Variants in CAPZA2 observed in about 807,000 individuals in gnomAD.
CAPZA2 encodes the protein F-actin-capping protein subunit alpha-2.
Under a neutral mutation model 44.0 loss-of-function variants are expected in CAPZA2, and 13 were observed. That is an observed-to-expected ratio of 0.30 (90% CI 0.19 to 0.47). The LOEUF is 0.47. Among genes scored for constraint, CAPZA2 ranks in the 20% least tolerant of loss-of-function variants. The pLI is 1.00. For synonymous variants in CAPZA2, 94 were observed against 108.2 expected (o/e 0.87, Z 0.81); for missense variants, 244 against 338.6 (o/e 0.72, Z 2.19).
At chr7:116,882,547 C>T (rs1189537386) in intron 1 of CAPZA2, among the ~76,000 whole-genome samples, 3 of 151,836 alleles carry the variant, frequency 2.0e-5, no homozygotes, top group South Asian at 2.1e-4. Context: ...GACAGTAATA[C>T]GTTTGTATTG....
intron 1 of CAPZA2, chr7:116,875,551 T>A (rs922646169): frequency 1.3e-5 from 2 of 151,736 alleles, no homozygotes; most frequent in Non-Finnish European, 2.9e-5. Flanking sequence ...TTTTTTTTTT[T>A]ATTTTTTGTT....
At position 116,901,099 on chromosome 7, in the gene CAPZA2, C is replaced by G. The variant is rs933763460; in HGVS notation, c.219+2264C>G. Among the ~76,000 whole-genome samples, 3 of 152,134 alleles carry G rather than the reference C, an allele frequency of 2.0e-5. No homozygotes were observed. The East Asian group carries it at 5.8e-4, about 29-fold the overall frequency. ...TCAACTATTATAGAAGACAGTGTGG[C>G]GATTCCTCAGAGATCTAAAAACGGA... On this transcript the variant is annotated intron_variant, in intron 4 of 9. Transcript: ENST00000361183.
intron 1 of CAPZA2, among the ~76,000 whole-genome samples, chr7:116,871,659 A>G (rs1418905502): frequency 2.0e-5 from 3 of 152,200 alleles, no homozygotes; most frequent in African/African-American, 7.2e-5. Flanking sequence ...TTGCCTTGTA[A>G]ACTACTCATC....
At chr7:116,907,741 A>G (rs1172972764) in intron 6 of CAPZA2, among the ~76,000 whole-genome samples, 1 of 152,130 alleles carries the variant, frequency 6.6e-6, no homozygotes, top group East Asian at 1.9e-4. Context: ...TCCGGTTCCC[A>G]AGTAGCTGGA....
At chr7:116,917,246 T>TTTTATTTA (rs1030260811) in intron 9 of CAPZA2, among the ~76,000 whole-genome samples, 1 of 152,054 alleles carries the variant, frequency 6.6e-6, no homozygotes, top group East Asian at 1.9e-4. Context: ...GCTGCTTTTA[T>TTTTATTTA]TTTATTTATT....
chr7:116,881,738 C>CAAA (rs71148338), intron 1 of CAPZA2, among the ~76,000 whole-genome samples: 19 of 47,764 alleles, frequency 4.0e-4, no homozygotes, highest in East Asian at 6.5e-4. Context: ...GACTCTGTCT[C>CAAA]AAAAAAAAAA....
rs1332846517 is a variant in CAPZA2, at chr7:116,921,646, C to G, written c.*3779C>G. On this transcript the variant is annotated 3_prime_UTR_variant, in exon 10 of 10. Transcript: ENST00000361183. ...ACAACGAGCGGAGACTGTGCCACTTCACTGCAGCCTGGGTGACAGGGTGAG... is the reference window on the plus strand; with the variant it reads ...ACAACGAGCGGAGACTGTGCCACTTGACTGCAGCCTGGGTGACAGGGTGAG... 1.3e-5 allele frequency: 2 copies of G among 152,206 alleles called. No individual in the cohort carries two copies. The highest frequency in any genetic ancestry group is 2.9e-5 in the Non-Finnish European group (2 of 68,074). 9.4% of individuals were successfully genotyped at this position (152,206 alleles called of 1,614,324 possible). A position where few individuals can be genotyped will look rare whatever the true frequency, so the allele number is the denominator to read the frequency against.
At chr7:116,911,314 A>G (rs1223404387) in intron 7 of CAPZA2, among the ~76,000 whole-genome samples, 1 of 152,212 alleles carries the variant, frequency 6.6e-6, no homozygotes, top group Non-Finnish European at 1.5e-5. Flanking sequence ...CATCAAAAAG[A>G]TAGTTTTTTA....
At chr7:116,890,618 A>G (rs1428683016) in intron 2 of CAPZA2, among the ~76,000 whole-genome samples, 1 of 121,644 alleles carries the variant, frequency 8.2e-6, no homozygotes, top group Admixed American at 9.2e-5. Context: ...ACACACATAT[A>G]TACAAAAATT....
intron 2 of CAPZA2, among the ~76,000 whole-genome samples, chr7:116,892,729 C>A (rs1796865036): frequency 1.3e-5 from 2 of 151,496 alleles, no homozygotes; most frequent in South Asian, 4.2e-4. Context: ...GTTGGACAAG[C>A]TTGGATTTTA....
At chr7:116,878,771 C>T (rs1404121231) in intron 1 of CAPZA2, among the ~76,000 whole-genome samples, 1 of 152,130 alleles carries the variant, frequency 6.6e-6, no homozygotes, top group Non-Finnish European at 1.5e-5. Context: ...CACTCTTGAA[C>T]AGTGTAGGAC....
intron 1 of CAPZA2, among the ~76,000 whole-genome samples, chr7:116,886,473 G>T (rs1291932726): frequency 6.6e-6 from 1 of 152,056 alleles, no homozygotes; most frequent in Non-Finnish European, 1.5e-5. Context: ...ACATGTACAT[G>T]CACACATAAC....
intron 2 of CAPZA2, among the ~76,000 whole-genome samples, chr7:116,892,583 GGAA>G (rs1297242725): frequency 4.0e-5 from 6 of 151,850 alleles, no homozygotes; most frequent in Admixed American, 2.0e-4. Context: ...TGGACACATT[GGAA>G]GAAGAAGAAT....
chr7:116,911,472 TC>T (rs1023917233), intron 7 of CAPZA2, among the ~76,000 whole-genome samples: 5 of 152,182 alleles, frequency 3.3e-5, no homozygotes, highest in African/African-American at 1.2e-4. Flanking sequence ...GCTATTACTC[TC>T]CCCAACTTCA....
intron 2 of CAPZA2, among the ~76,000 whole-genome samples, chr7:116,890,332 G>A (rs1017734772): frequency 4.6e-5 from 7 of 151,012 alleles, no homozygotes; most frequent in African/African-American, 1.7e-4. Flanking sequence ...TAGAAGTGGG[G>A]ATATAGGATT....
chr7:116,893,276 G>A (rs556924753), intron 3 of CAPZA2, among the ~76,000 whole-genome samples: 18 of 152,056 alleles, frequency 1.2e-4, no homozygotes, highest in South Asian at 4.1e-4. Context: ...GACTACAGGC[G>A]CGCACCACCA....
intron 6 of CAPZA2, chr7:116,906,619 A>G (rs1361928816): frequency 1.5e-5 from 5 of 323,030 alleles, no homozygotes; most frequent in African/African-American, 6.5e-5. Context: ...CCAGTTGGCA[A>G]TCCATATGCT....
At chr7:116,901,957 A>G (rs1273039659) in intron 4 of CAPZA2, among the ~76,000 whole-genome samples, 2 of 151,530 alleles carry the variant, frequency 1.3e-5, no homozygotes, top group African/African-American at 4.9e-5. Flanking sequence ...AAAAACCATT[A>G]AGCACAATGA....
At chr7:116,913,679 T>G (rs1027103496) in intron 8 of CAPZA2, among the ~76,000 whole-genome samples, 12 of 152,106 alleles carry the variant, frequency 7.9e-5, no homozygotes, top group African/African-American at 2.7e-4. Context: ...CTCAGCTCAC[T>G]GCAACCTCTG....
Sources: gnomAD v4.1 joint callset for allele counts (sites outside exome capture counted in the v4.1 genomes callset) on GRCh38, gnomAD v4.1.1 for gene constraint, MANE v1.5 for transcripts, NCBI Gene and HGNC (gene_info 2026-07-23, HGNC 2026-07-21) for gene names.